GNRH2: variants seen among roughly 807,000 people sequenced by gnomAD.
The protein encoded by GNRH2 is progonadoliberin-2.
In GNRH2, 15 loss-of-function variants were observed where a neutral mutation model predicts 12.1. That is an observed-to-expected ratio of 1.24 (90% CI 0.83 to 1.90). The LOEUF (loss-of-function observed/expected upper bound fraction) is 1.90, where lower values mean the gene tolerates loss of function less well. GNRH2 is among the 40% of genes most tolerant of loss of function. GNRH2 has a pLI of 0.00. For missense variants in GNRH2, 143 were observed against 141.4 expected, an observed-to-expected ratio of 1.01 and a Z score of -0.06; for synonymous variants, 60 against 62.0, an observed-to-expected ratio of 0.97 and a Z score of 0.15.
In GNRH2 at chr20:3,044,794, G is replaced by A. The variant is rs1366406022; in HGVS notation, c.249G>A (p.Gln83=). ...CCTGGGAGGGCAGGACCACGGCCCA[G>A]TGGTCCCTTCACAGGAAGCGACACC... is the stretch of plus-strand genomic sequence containing the variant. ...SMPWEGRTTA[Q]WSLHRKRHLA... is the part of the protein sequence containing the mutation. The change falls in exon 3 of 4, where the codon CAG becomes CAA. Residue 83 remains glutamine, a synonymous_variant. Coordinates refer to ENST00000359100, the MANE Select transcript of GNRH2 (RefSeq NM_178331.2). 2 of 1,612,498 alleles carry A rather than the reference G, an allele frequency of 1.2e-6. No homozygotes were observed. Among genetic ancestry groups the A allele is most frequent in the African/African-American group, 1.3e-5 (1 of 74,924 alleles).
chr20:3,044,198 G>T, intron 1 of GNRH2: 1 of 548,026 alleles, frequency 1.8e-6, no homozygotes, highest in Non-Finnish European at 3.3e-6. Context: ...GAGAAGGCTC[G>T]TCCCCTGGAG....
In GNRH2 at chr20:3,044,781, G is replaced by T. The variant is rs775617026; in HGVS notation, c.236G>T (p.Arg79Met). ...PLDDSMPWEGRTTAQWSLHRK... is the reference protein window; with the variant it reads ...PLDDSMPWEGMTTAQWSLHRK... ...GACGACAGCATGCCCTGGGAGGGCA[G>T]GACCACGGCCCAGTGGTCCCTTCAC... Residue 79 changes from arginine to methionine, a missense_variant, in exon 3 of 4, where the codon AGG becomes ATG. By Grantham distance (91) the Arg-to-Met change is moderately conservative (BLOSUM62 -1). Coordinates refer to ENST00000359100, the MANE Select transcript of GNRH2 (RefSeq NM_178331.2). 6 of 1,612,536 alleles carry T rather than the reference G, an allele frequency of 3.7e-6. No individual in the cohort carries two copies. In the Admixed American group the frequency reaches 1.0e-4, roughly 27 times the overall value.
intron 3 of GNRH2, 114 bp from the exon 4 acceptor site, chr20:3,045,572 T>C: frequency 1.2e-6 from 1 of 832,514 alleles, no homozygotes; most frequent in South Asian, 1.6e-5. Context: ...CGTCCTGCTG[T>C]GGGAGGCCAC....
In GNRH2 at chr20:3,044,814, G is replaced by A. The variant is rs1262890132; in HGVS notation, c.269G>A (p.Arg90Gln). Residue 90 changes from arginine to glutamine, a missense_variant, in exon 3 of 4, where the codon CGA (arginine) becomes CAA (glutamine). By Grantham distance (43) the Arg-to-Gln change is conservative. Transcript: ENST00000359100. ...TTAQWSLHRK[R>Q]HLARTLLTAA... ...GCCCAGTGGTCCCTTCACAGGAAGC[G>A]ACACCTGGCACGGACACTGCTGGTG... 3.7e-6 allele frequency: 6 copies of A among 1,610,950 alleles called. No individual in the cohort carries two copies. The highest frequency in any genetic ancestry group is 2.2e-5 in the East Asian group (1 of 44,798).
rs1194843162 is a variant in GNRH2, at chr20:3,044,796, G to T, written c.251G>T (p.Trp84Leu). 6.2e-7 allele frequency: 1 copy of T among 1,612,290 alleles called. No individual in the cohort carries two copies. Among genetic ancestry groups the T allele is most frequent in the Middle Eastern group, 1.6e-4 (1 of 6,066 alleles). The stretch of plus-strand genomic sequence containing the variant: ...TGGGAGGGCAGGACCACGGCCCAGT[G>T]GTCCCTTCACAGGAAGCGACACCTG... ...MPWEGRTTAQ[W>L]SLHRKRHLAR... Residue 84 changes from tryptophan (W) to leucine (L), a missense_variant, in exon 3 of 4, where the codon TGG (tryptophan) becomes TTG (leucine). By Grantham distance (61) the Trp-to-Leu change is moderately conservative. Transcript: ENST00000359100.
rs1555816312 is a variant in GNRH2, at chr20:3,045,699, A to AGCCCG, written c.309_310insGGCCC (p.Arg104GlyfsTer?). 1.3e-6 allele frequency: 2 copies of AGCCCG among 1,596,064 alleles called. No individual in the cohort carries two copies. Among genetic ancestry groups the AGCCCG allele is most frequent in the Non-Finnish European group, 1.7e-6 (2 of 1,166,284 alleles). ...CTCCCTCCGCAGACCGCAGCCCGAG[A>AGCCCG]GCCCCGCCCCGCCCCGCCATCCTCC... On this transcript the variant is annotated frameshift_variant, in exon 4 of 4. Coordinates refer to ENST00000359100, the MANE Select transcript of GNRH2 (RefSeq NM_178331.2). LOFTEE classifies it low-confidence loss of function (END_TRUNC).
In GNRH2 at chr20:3,044,684, G is replaced by A. The variant is rs61729220; in HGVS notation, c.155-16G>A. 3.9e-3 allele frequency: 6,348 copies of A among 1,608,710 alleles called. 70 individuals are homozygous for A. The highest frequency in any genetic ancestry group is 0.025 in the African/African-American group (1,842 of 74,946). ...AGCATCAGTTCCCTTCTAAGGAAGG[G>A]CCCTGGACACTGCAGCAGGCAGCCC... On this transcript the variant is annotated splice_polypyrimidine_tract_variant and intron_variant, in intron 2 of 3. Transcript: ENST00000359100.
Position 3,044,502 on chromosome 20 carries a change from T to A in GNRH2, c.88T>A (p.Trp30Arg), listed in dbSNP as rs755294934. 6.8e-6 allele frequency: 11 copies of A among 1,613,698 alleles called. No individual in the cohort carries two copies. Among genetic ancestry groups the A allele is most frequent in the Non-Finnish European group, 9.3e-6 (11 of 1,179,982 alleles). The part of the protein sequence containing the change: ...PSEAQHWSHG[W>R]YPGGKRALSS... ...AGAGGCTCAGCACTGGTCCCATGGCTGGTACCCTGGAGGAAAGCGAGCCCT... is the reference window on the plus strand; with the variant it reads ...AGAGGCTCAGCACTGGTCCCATGGCAGGTACCCTGGAGGAAAGCGAGCCCT... The change falls in exon 2 of 4, where the codon TGG becomes AGG. Residue 30 changes from tryptophan (W) to arginine (R), a missense_variant. By Grantham distance (101) the Trp-to-Arg change is moderately radical (BLOSUM62 -3). Coordinates refer to ENST00000359100, the MANE Select transcript of GNRH2 (RefSeq NM_178331.2).
In GNRH2 at chr20:3,044,825, C is replaced by T. The variant is rs754629027; in HGVS notation, c.280C>T (p.Arg94Trp). The change falls in exon 3 of 4, where the codon CGG becomes TGG. Residue 94 changes from arginine to tryptophan, a missense_variant. By Grantham distance (101) the Arg-to-Trp change is moderately radical (BLOSUM62 -3). Coordinates refer to ENST00000359100, the MANE Select transcript of GNRH2 (RefSeq NM_178331.2). ...WSLHRKRHLA[R>W]TLLTAAREPR... ...CCTTCACAGGAAGCGACACCTGGCA[C>T]GGACACTGCTGGTGAGTAGGGTGAG... The T allele has an allele frequency of 3.3e-5, 53 of 1,608,758 alleles. No individual in the cohort carries two copies. The highest frequency in any genetic ancestry group is 5.0e-5 in the Admixed American group (3 of 59,832).
Position 3,045,686 on chromosome 20 carries a change from A to G in GNRH2, c.292A>G (p.Thr98Ala), listed in dbSNP as rs574167336. The G allele has an allele frequency of 2.3e-5, 37 of 1,610,352 alleles. No individual in the cohort carries two copies. The South Asian group carries it at 3.7e-4, about 16-fold the overall frequency. Residue 98 changes from threonine to alanine, a missense_variant and splice_region_variant, in exon 4 of 4, where the codon ACC becomes GCC. Transcript: ENST00000359100. ...ATGACCGCCACCTCTCCCTCCGCAG[A>G]CCGCAGCCCGAGAGCCCCGCCCCGC... ...RKRHLARTLL[T>A]AAREPRPAPP...
intron 3 of GNRH2, among the ~76,000 whole-genome samples, chr20:3,045,214 CCTCA>C (rs1451190986): frequency 2.0e-5 from 3 of 149,120 alleles, no homozygotes; most frequent in Non-Finnish European, 4.5e-5. Flanking sequence ...AGGGATGCAA[CCTCA>C]CTCAAACAGA....
At chr20:3,044,899 CT>C in intron 3 of GNRH2, 63 bp downstream of exon 3, 1 of 1,412,616 alleles carries the variant, frequency 7.1e-7, no homozygotes, top group Non-Finnish European at 9.8e-7. Flanking sequence ...GCCATTGTGG[CT>C]TAGGGTTGGG....
chr20:3,045,384 G>A (rs1334889788), intron 3 of GNRH2, among the ~76,000 whole-genome samples: 3 of 152,210 alleles, frequency 2.0e-5, no homozygotes, highest in Admixed American at 2.0e-4. Context: ...AGGAGAGCCC[G>A]GTAACTAAAG....
chr20:3,045,700 G>GCCCCCCCCCCCCCCCC lies in GNRH2; in HGVS notation c.310_311insCCCCCCCCCCCCCCCC (p.Arg104ProfsTer14). ...TCCCTCCGCAGACCGCAGCCCGAGA[G>GCCCCCCCCCCCCCCCC]CCCCGCCCCGCCCCGCCATCCTCCA... is the stretch of plus-strand genomic sequence containing the variant. On this transcript the variant is annotated frameshift_variant, in exon 4 of 4. Transcript: ENST00000359100. LOFTEE classifies it low-confidence loss of function (END_TRUNC). 1 of 1,541,752 alleles carries GCCCCCCCCCCCCCCCC rather than the reference G, an allele frequency of 6.5e-7. No individual in the cohort carries two copies. Among genetic ancestry groups the GCCCCCCCCCCCCCCCC allele is most frequent in the Non-Finnish European group, 8.8e-7 (1 of 1,136,714 alleles).
chr20:3,045,111 A>G (rs192817339), intron 3 of GNRH2, among the ~76,000 whole-genome samples: 1 of 152,326 alleles, frequency 6.6e-6, no homozygotes, highest in Admixed American at 6.5e-5. Context: ...TAATTGTTCT[A>G]TAAGACAGTG....
chr20:3,044,729 C>T lies in GNRH2; in HGVS notation c.184C>T (p.Leu62Phe). Residue 62 changes from leucine to phenylalanine, a missense_variant, in exon 3 of 4, where the codon CTC becomes TTC. Transcript: ENST00000359100. ...AGSPVQTAHG[L>F]PSDALAPLDD... ...CAGCCCAGTCCAGACTGCCCATGGCCTCCCAAGTGATGCCCTGGCTCCCCT... is the reference window on the plus strand; with the variant it reads ...CAGCCCAGTCCAGACTGCCCATGGCTTCCCAAGTGATGCCCTGGCTCCCCT... 2 of 1,612,016 alleles carry T rather than the reference C, an allele frequency of 1.2e-6. No individual in the cohort carries two copies. The highest frequency in any genetic ancestry group is 1.7e-6 in the Non-Finnish European group (2 of 1,179,152).
At chr20:3,045,198 G>C (rs1416267947) in intron 3 of GNRH2, among the ~76,000 whole-genome samples, 1 of 150,890 alleles carries the variant, frequency 6.6e-6, no homozygotes. Context: ...CCAGTGGAAA[G>C]AGGTGAGGGA....
At chr20:3,044,616 G>A (rs369374507) in intron 2 of GNRH2, 48 bp downstream of exon 2, 5 of 1,609,478 alleles carry the variant, frequency 3.1e-6, no homozygotes, top group South Asian at 2.2e-5. Context: ...ATGGCCGGGG[G>A]CTCCCCCACC....
At chr20:3,044,674 C>T in intron 2 of GNRH2, 26 bp from the exon 3 acceptor site, 2 of 1,604,642 alleles carry the variant, frequency 1.2e-6, no homozygotes, top group Admixed American at 1.7e-5. Flanking sequence ...CAGTTCCCTT[C>T]TAAGGAAGGG....
Sources: gnomAD v4.1 joint callset for allele counts (sites outside exome capture counted in the v4.1 genomes callset) on GRCh38, gnomAD v4.1.1 for gene constraint, MANE v1.5 for transcripts, NCBI Gene and HGNC (gene_info 2026-07-23, HGNC 2026-07-21) for gene names.